NCKAP1: variants seen among roughly 807,000 people sequenced by gnomAD.
NCKAP1 encodes NCK associated protein 1.
Under a neutral mutation model 151.2 loss-of-function variants are expected in NCKAP1, and 21 were observed. That is an observed-to-expected ratio of 0.14 (90% confidence interval 0.10 to 0.20). The LOEUF (loss-of-function observed/expected upper bound fraction) is 0.20, where lower values mean the gene tolerates loss of function less well. NCKAP1 is among the 10% of genes least tolerant of loss of function. The pLI is 1.00. For synonymous variants in NCKAP1, 484 were observed against 451.8 expected (o/e 1.07, Z -0.90); for missense variants, 933 against 1,352.1 (o/e 0.69, Z 4.86).
Position 182,925,829 on chromosome 2 carries a change from CA to C in NCKAP1, c.3271-12del. On this transcript the variant is annotated splice_polypyrimidine_tract_variant and intron_variant, in intron 30 of 30. Coordinates refer to ENST00000361354, the MANE Select transcript of NCKAP1 (RefSeq NM_013436.5). ...AGATTCTTGTACAATCTGTAAAATTCAAAAAATCCATCAAAACAAGTTATTT... is the reference window on the plus strand; with the variant it reads ...AGATTCTTGTACAATCTGTAAAATTCAAAAATCCATCAAAACAAGTTATTT... 1 of 1,417,690 alleles carries C rather than the reference CA, an allele frequency of 7.1e-7. No individual in the cohort carries two copies. The highest frequency in any genetic ancestry group is 9.5e-7 in the Non-Finnish European group (1 of 1,048,764). 87.8% of individuals were successfully genotyped at this position (1,417,690 alleles called of 1,614,324 possible).
At chr2:182,989,700 T>C (rs564819593) in intron 8 of NCKAP1, among the ~76,000 whole-genome samples, 6 of 147,882 alleles carry the variant, frequency 4.1e-5, no homozygotes, top group Admixed American at 3.4e-4. Context: ...TGACAGACCC[T>C]GTCTCAAAAA....
chr2:182,986,965 G>A (rs1229630187), intron 9 of NCKAP1, among the ~76,000 whole-genome samples: 2 of 152,158 alleles, frequency 1.3e-5, no homozygotes, highest in Non-Finnish European at 2.9e-5. Context: ...ACTATGGCCA[G>A]GTACGGTGGC....
intron 23 of NCKAP1, among the ~76,000 whole-genome samples, chr2:182,948,932 G>C (rs1222348979): frequency 6.6e-6 from 1 of 152,142 alleles, no homozygotes; most frequent in Non-Finnish European, 1.5e-5. Context: ...TTCTCTAAGA[G>C]TGACAACAAA....
chr2:182,995,612 A>G, intron 7 of NCKAP1, 89 bp downstream of exon 7: 1 of 1,255,546 alleles, frequency 8.0e-7, no homozygotes, highest in East Asian at 2.4e-5. Context: ...GCTAATGCTA[A>G]TTAGAAACAA....
chr2:183,030,812 C>A (rs1488275746), intron 1 of NCKAP1, among the ~76,000 whole-genome samples: 18 of 152,036 alleles, frequency 1.2e-4, no homozygotes, highest in Admixed American at 1.2e-3. Context: ...GAAAATATTA[C>A]AGTATGAAAA....
At chr2:182,967,564 T>C (rs1351677246) in intron 15 of NCKAP1, among the ~76,000 whole-genome samples, 1 of 152,168 alleles carries the variant, frequency 6.6e-6, no homozygotes, top group Non-Finnish European at 1.5e-5. Flanking sequence ...GAAATACTAA[T>C]GTCCATAAAA....
intron 2 of NCKAP1, among the ~76,000 whole-genome samples, chr2:183,010,319 G>A (rs369912958): frequency 1.3e-5 from 2 of 152,204 alleles, no homozygotes; most frequent in Non-Finnish European, 2.9e-5. Context: ...CTGACGTGCT[G>A]TATGTGAGGA....
rs1224159215 is a variant in NCKAP1, at chr2:183,034,951, T to C, written c.108+3041A>G. On this transcript the variant is annotated intron_variant, in intron 1 of 30. Transcript: ENST00000361354. ...TGTTAGAGAACTCTCAGTGACAGAA[T>C]GAAGATTGGAATGCAAGTCTCTTAA... 4.6e-5 allele frequency among the ~76,000 whole-genome samples: 7 copies of C among 152,106 alleles called. No individual in the cohort carries two copies. The East Asian group carries it at 1.3e-3, about 29-fold the overall frequency.
chr2:183,002,107 CTT>C lies in NCKAP1; in HGVS notation c.512+18_512+19del. The C allele has an allele frequency of 6.2e-7, 1 of 1,612,246 alleles. No individual in the cohort carries two copies. The highest frequency in any genetic ancestry group is 1.3e-5 in the African/African-American group (1 of 74,952). On this transcript the variant is annotated intron_variant, in intron 5 of 30. Transcript: ENST00000361354. ...CATCAAACTGAGCATTTTAGAAAGA[CTT>C]TTATAATGCAAATCTACCTTGCTCC...
At position 182,956,475 on chromosome 2, in the gene NCKAP1, T is replaced by C; in HGVS notation, c.2140A>G (p.Ile714Val). ...ATTCTTTCTTACTTGGTAAAGCGTA[T>C]TTCCAGATGAGAAGTCAAATATTCT... ...PREYLTSHLE[I>V]RFTKSIVGMT... Residue 714 changes from isoleucine to valine, a missense_variant, in exon 20 of 31, where the codon ATA becomes GTA. Physicochemically the swap from Ile to Val is conservative, Grantham distance 29 (BLOSUM62 3). This residue lies in a region of NCKAP1 where 326 missense variants were observed against 557.1 expected (regional missense o/e 0.59). Coordinates refer to ENST00000361354, the MANE Select transcript of NCKAP1 (RefSeq NM_013436.5). 1 of 1,610,620 alleles carries C rather than the reference T, an allele frequency of 6.2e-7. No individual in the cohort carries two copies. The highest frequency in any genetic ancestry group is 1.3e-5 in the African/African-American group (1 of 74,962).
At chr2:183,015,891 C>CT (rs1201076172) in intron 2 of NCKAP1, among the ~76,000 whole-genome samples, 3 of 143,924 alleles carry the variant, frequency 2.1e-5, no homozygotes, top group African/African-American at 7.7e-5. Context: ...AAAAAAAAAA[C>CT]TATATTAAAG....
rs1003186605 is a variant in NCKAP1 at position 182,924,297 on chromosome 2, C to G, written c.*1405G>C. ...GTTTGAAGAAAGAAAAACATTATAA[C>G]TGAGTTCACAGCAGCCTTCTTTTAT... is the stretch of plus-strand genomic sequence containing the variant. On this transcript the variant is annotated 3_prime_UTR_variant, in exon 31 of 31. Coordinates refer to ENST00000361354, the MANE Select transcript of NCKAP1 (RefSeq NM_013436.5). The G allele has an allele frequency of 6.6e-6, 1 of 152,160 alleles. No individual in the cohort carries two copies. The highest frequency in any genetic ancestry group is 2.4e-5 in the African/African-American group (1 of 41,434). 9.4% of individuals were successfully genotyped at this position (152,160 alleles called of 1,614,324 possible). A position where few individuals can be genotyped will look rare whatever the true frequency, so the allele number is the denominator to read the frequency against.
rs1696584133 is a variant in NCKAP1, at chr2:182,923,458, T to C, written c.*2244A>G. 1 of 152,100 alleles carries C rather than the reference T, an allele frequency of 6.6e-6. No homozygotes were observed. Among genetic ancestry groups the C allele is most frequent in the Admixed American group, 6.6e-5 (1 of 15,266 alleles). The allele number at this position is 152,100 out of a possible 1,614,324, so 9.4% of individuals were successfully genotyped here. On this transcript the variant is annotated 3_prime_UTR_variant, in exon 31 of 31. Coordinates refer to ENST00000361354, the MANE Select transcript of NCKAP1 (RefSeq NM_013436.5). The stretch of plus-strand genomic sequence containing the variant: ...TGGGTAATTTTTGTATTTTTAGTAG[T>C]GTCAGGGTTTTGCCATGTTGGCCAG...
rs1243783657 is a variant in NCKAP1 at position 182,917,210 on chromosome 2, T to C, written c.*8492A>G. The C allele has an allele frequency of 6.6e-6, 1 of 152,210 alleles. No homozygotes were observed. Among genetic ancestry groups the C allele is most frequent in the African/African-American group, 2.4e-5 (1 of 41,450 alleles). 9.4% of individuals were successfully genotyped at this position (152,210 alleles called of 1,614,324 possible). A position where few individuals can be genotyped will look rare whatever the true frequency, so the allele number is the denominator to read the frequency against. The stretch of plus-strand genomic sequence containing the variant: ...AAACAAACTTGGAGAAGTTAAGTAA[T>C]TTGTCCATAAGTGACAGAGCTGGGA... On this transcript the variant is annotated 3_prime_UTR_variant, in exon 31 of 31. Transcript: ENST00000361354.
intron 7 of NCKAP1, 76 bp from the exon 8 acceptor site, chr2:182,994,963 T>C (rs1348366285): frequency 5.3e-5 from 61 of 1,147,674 alleles, no homozygotes; most frequent in African/African-American, 7.7e-5. Context: ...CTCTCCTCCC[T>C]TTCTCCTGAT....
At chr2:182,953,047 A>G in intron 21 of NCKAP1, 66 bp downstream of exon 21, 1 of 1,498,424 alleles carries the variant, frequency 6.7e-7, no homozygotes, top group Non-Finnish European at 9.0e-7. Flanking sequence ...TCACAAAAAA[A>G]TTAATTTTCC....
Position 183,038,031 on chromosome 2 carries a change from C to A in NCKAP1, c.69G>T (p.Arg23=). The change falls in exon 1 of 31, where the codon CGG becomes CGT. Residue 23 remains arginine (R), a synonymous_variant. Transcript: ENST00000361354. ...AGAGGCGGGTGAGCATGCCGACGCC[C>A]CGGTCGTTGAGGATGGTGAGCTTCT... is the stretch of plus-strand genomic sequence containing the variant. ...LAEKLTILND[R]GVGMLTRLYN... 1 of 1,585,476 alleles carries A rather than the reference C, an allele frequency of 6.3e-7. No homozygotes were observed. The highest frequency in any genetic ancestry group is 1.4e-5 in the African/African-American group (1 of 72,912).
At chr2:182,941,795 T>C (rs1056053183) in intron 24 of NCKAP1, among the ~76,000 whole-genome samples, 2 of 152,198 alleles carry the variant, frequency 1.3e-5, no homozygotes, top group Admixed American at 6.5e-5. Flanking sequence ...CTGTATTAAA[T>C]TTAATGGGTT....
chr2:182,943,137 T>A (rs977703320), intron 23 of NCKAP1, among the ~76,000 whole-genome samples: 4 of 152,152 alleles, frequency 2.6e-5, no homozygotes, highest in Non-Finnish European at 1.5e-5. Context: ...CTTGTACACA[T>A]CACAATCACC....
Sources: allele counts gnomAD v4.1 joint callset (sites outside exome capture counted in the v4.1 genomes callset), GRCh38; gene constraint gnomAD v4.1.1; regional missense constraint gnomAD v4.1.1; transcripts MANE v1.5; gene names NCBI Gene and HGNC (gene_info 2026-07-23, HGNC 2026-07-21).